Variants in COL25A1 observed in about 807,000 individuals in gnomAD.
COL25A1 encodes collagen type XXV alpha 1 chain.
COL25A1 carries 103 observed loss-of-function variants against 128.4 expected under a neutral mutation model. That is an observed-to-expected ratio of 0.80 (90% CI 0.68 to 0.94). The LOEUF (loss-of-function observed/expected upper bound fraction) is 0.94, where lower values mean the gene tolerates loss of function less well. Among genes scored for constraint, COL25A1 ranks in the 40% least tolerant of loss-of-function variants. COL25A1 has a pLI of 0.00. For synonymous variants in COL25A1, 279 were observed against 277.2 expected (o/e 1.01, Z -0.06); for missense variants, 745 against 840.0 (o/e 0.89, Z 1.40).
chr4:108,938,863 A>T (rs1195263207), intron 10 of COL25A1, among the ~76,000 whole-genome samples: 1 of 152,222 alleles, frequency 6.6e-6, no homozygotes, highest in Non-Finnish European at 1.5e-5. Context: ...TCTCAAAAAA[A>T]AAAAATCTTT....
At chr4:108,845,037 CTGA>C (rs1734920678) in intron 29 of COL25A1, 149 bp downstream of exon 29, 1 of 737,046 alleles carries the variant, frequency 1.4e-6, no homozygotes, top group Admixed American at 2.0e-5. Context: ...CTGTGCAGGG[CTGA>C]CGGATGTTTC....
At chr4:108,897,718 C>T (rs1187058781) in intron 15 of COL25A1, among the ~76,000 whole-genome samples, 2 of 152,148 alleles carry the variant, frequency 1.3e-5, no homozygotes, top group Non-Finnish European at 2.9e-5. Context: ...TTTTCTATTA[C>T]TCAAAAAGTT....
At chr4:108,870,389 T>C (rs921255492) in intron 19 of COL25A1, among the ~76,000 whole-genome samples, 3 of 151,930 alleles carry the variant, frequency 2.0e-5, no homozygotes. Context: ...CAGACATATA[T>C]TGATATATAA....
chr4:109,261,567 T>A (rs1210881116), intron 3 of COL25A1, among the ~76,000 whole-genome samples: 1 of 152,142 alleles, frequency 6.6e-6, no homozygotes, highest in African/African-American at 2.4e-5. Flanking sequence ...TTGTTTCCCG[T>A]TAGTAGGCAA....
chr4:109,272,440 T>C (rs745729045), intron 3 of COL25A1, among the ~76,000 whole-genome samples: 1 of 152,188 alleles, frequency 6.6e-6, no homozygotes, highest in Non-Finnish European at 1.5e-5. Context: ...GGAAATCATT[T>C]AATCCAATTC....
At chr4:108,978,346 C>T (rs1466677197) in intron 6 of COL25A1, among the ~76,000 whole-genome samples, 1 of 152,208 alleles carries the variant, frequency 6.6e-6, no homozygotes, top group Non-Finnish European at 1.5e-5. Flanking sequence ...AAATCCCACT[C>T]TTCCTTCCGA....
Position 109,251,389 on chromosome 4 carries a change from C to A in COL25A1, c.367+49194G>T, listed in dbSNP as rs529013294. The stretch of plus-strand genomic sequence containing the variant: ...TGAAGGATCTAGGCTGTTAGCAGTC[C>A]TGTCTGGATTGGGTTATTATAGTTT... On this transcript the variant is annotated intron_variant, in intron 3 of 37. Transcript: ENST00000399132. Among the ~76,000 whole-genome samples, 23 of 152,268 alleles carry A rather than the reference C, an allele frequency of 1.5e-4. 2 individuals are homozygous for A. In the South Asian group the frequency reaches 4.6e-3, roughly 30 times the overall value.
Position 108,824,240 on chromosome 4 carries a change from A to G in COL25A1, c.1792-13T>C, listed in dbSNP as rs375677524. The stretch of plus-strand genomic sequence containing the variant: ...GACCAGGGAAGCCCTGTAAGATAAA[A>G]AGCAAACCAAAAAGATCTATTGGTG... On this transcript the variant is annotated splice_polypyrimidine_tract_variant and intron_variant, in intron 34 of 37. Coordinates refer to ENST00000399132, the MANE Select transcript of COL25A1 (RefSeq NM_198721.4). 2 of 1,587,162 alleles carry G rather than the reference A, an allele frequency of 1.3e-6. No homozygotes were observed.
intron 6 of COL25A1, among the ~76,000 whole-genome samples, chr4:108,975,291 A>G (rs1187029257): frequency 6.6e-6 from 1 of 152,166 alleles, no homozygotes; most frequent in Admixed American, 6.5e-5. Context: ...CCACATCTCT[A>G]CTAAAAATAC....
chr4:108,861,456 C>T, intron 22 of COL25A1, among the ~76,000 whole-genome samples: 1 of 152,192 alleles, frequency 6.6e-6, no homozygotes, highest in East Asian at 1.9e-4. Flanking sequence ...CAGGCTAGGC[C>T]TCCCTCTGAT....
chr4:109,264,877 C>T (rs761489784), intron 3 of COL25A1, among the ~76,000 whole-genome samples: 7 of 152,178 alleles, frequency 4.6e-5, no homozygotes, highest in Non-Finnish European at 8.8e-5. Flanking sequence ...TAATTACTTT[C>T]ATTATATTTT....
chr4:108,900,796 C>T (rs897438504), intron 14 of COL25A1, among the ~76,000 whole-genome samples: 9 of 151,912 alleles, frequency 5.9e-5, no homozygotes, highest in African/African-American at 2.2e-4. Flanking sequence ...TGGACATGAC[C>T]TATGTTTTTA....
chr4:109,133,790 C>A (rs1376143802), intron 3 of COL25A1, among the ~76,000 whole-genome samples: 1 of 151,938 alleles, frequency 6.6e-6, no homozygotes, highest in African/African-American at 2.4e-5. Context: ...CATTTATGAA[C>A]ATATAGAAAC....
chr4:108,960,641 A>G (rs1750578222), intron 8 of COL25A1, among the ~76,000 whole-genome samples: 1 of 152,176 alleles, frequency 6.6e-6, no homozygotes, highest in African/African-American at 2.4e-5. Flanking sequence ...TACATTCCTA[A>G]AAGGAAGCTT....
chr4:108,958,587 G>C (rs533090516), intron 8 of COL25A1, among the ~76,000 whole-genome samples: 26 of 151,880 alleles, frequency 1.7e-4, no homozygotes, highest in African/African-American at 4.8e-4. Context: ...CCTTAAAGGA[G>C]TGACTCTGAA....
chr4:108,972,076 T>C (rs1167538260), intron 8 of COL25A1, among the ~76,000 whole-genome samples: 1 of 152,248 alleles, frequency 6.6e-6, no homozygotes, highest in East Asian at 1.9e-4. Flanking sequence ...AGTCAAAGAG[T>C]TAAAACTTCC....
intron 4 of COL25A1, among the ~76,000 whole-genome samples, chr4:109,048,482 G>A (rs116493778): frequency 0.016 from 2,414 of 152,226 alleles, 63 homozygotes; most frequent in African/African-American, 0.055. Context: ...TAAAAGTTTA[G>A]AGAAGTATGA....
intron 8 of COL25A1, among the ~76,000 whole-genome samples, chr4:108,944,703 A>G (rs1748520816): frequency 6.6e-6 from 1 of 152,160 alleles, no homozygotes; most frequent in African/African-American, 2.4e-5. Flanking sequence ...TCACAAAAAA[A>G]AAAGCCTTAA....
intron 6 of COL25A1, 121 bp from the exon 7 acceptor site, chr4:108,974,680 C>T (rs1458742837): frequency 7.3e-6 from 6 of 823,042 alleles, no homozygotes; most frequent in Non-Finnish European, 1.1e-5. Flanking sequence ...AATGAGGTTT[C>T]TCAAGAAATT....
Sources: gnomAD v4.1 joint callset for allele counts (sites outside exome capture counted in the v4.1 genomes callset) on GRCh38, gnomAD v4.1.1 for gene constraint, MANE v1.5 for transcripts, NCBI Gene and HGNC (gene_info 2026-07-23, HGNC 2026-07-21) for gene names.